The following UBE2E2 variants were observed in gnomAD, a reference collection of about 807,000 sequenced individuals.
The protein encoded by UBE2E2 is ubiquitin conjugating enzyme E2 E2.
UBE2E2 carries 6 observed loss-of-function variants against 24.7 expected under a neutral mutation model. The observed-to-expected ratio is 0.24, with a 90% CI of 0.13 to 0.48. The LOEUF (loss-of-function observed/expected upper bound fraction) is 0.48, where lower values mean the gene tolerates loss of function less well. UBE2E2 is among the 20% of genes least tolerant of loss of function. The probability of loss-of-function intolerance (pLI) is 0.99; values close to 1 mark genes in which losing one functional copy is unlikely to be tolerated. For synonymous variants in UBE2E2, 104 were observed against 83.6 expected (o/e 1.24, Z -1.33); for missense variants, 169 against 245.0 (o/e 0.69, Z 2.07).
chr3:23,338,444 G>A (rs9820922), intron 3 of UBE2E2, among the ~76,000 whole-genome samples: 83,953 of 151,910 alleles, frequency 0.55, 23,414 homozygotes, highest in Admixed American at 0.66. Context: ...ATGTGTATGT[G>A]TACATGTATG....
chr3:23,315,573 C>T (rs1330442049), intron 3 of UBE2E2, among the ~76,000 whole-genome samples: 1 of 152,030 alleles, frequency 6.6e-6, no homozygotes, highest in Non-Finnish European at 1.5e-5. Flanking sequence ...TTGTATGAAT[C>T]GTTGCATAAC....
intron 3 of UBE2E2, among the ~76,000 whole-genome samples, chr3:23,255,244 C>T (rs1337945180): frequency 6.6e-6 from 1 of 151,214 alleles, no homozygotes; most frequent in African/African-American, 2.4e-5. Context: ...CCACTGTGCC[C>T]CGCTAATTTT....
At chr3:23,224,572 G>C (rs1390394939) in intron 3 of UBE2E2, among the ~76,000 whole-genome samples, 1 of 151,090 alleles carries the variant, frequency 6.6e-6, no homozygotes, top group African/African-American at 2.4e-5. Context: ...AGAGTCTTTA[G>C]GTTTTAACAT....
chr3:23,205,273 A>C (rs770668878), intron 1 of UBE2E2, among the ~76,000 whole-genome samples: 1 of 152,202 alleles, frequency 6.6e-6, no homozygotes, highest in African/African-American at 2.4e-5. Flanking sequence ...GTTTGTTTAT[A>C]ACCCTGGGAT....
At chr3:23,292,754 T>C (rs1319537413) in intron 3 of UBE2E2, among the ~76,000 whole-genome samples, 1 of 152,224 alleles carries the variant, frequency 6.6e-6, no homozygotes, top group Non-Finnish European at 1.5e-5. Flanking sequence ...GTAACCTGTT[T>C]GTGCCTCTTT....
intron 3 of UBE2E2, among the ~76,000 whole-genome samples, chr3:23,238,646 T>C (rs1009668924): frequency 2.6e-5 from 4 of 152,190 alleles, no homozygotes; most frequent in African/African-American, 9.7e-5. Context: ...TTTCAGAATT[T>C]GAATTTTGGA....
chr3:23,483,032 T>A (rs1210280266), intron 3 of UBE2E2, among the ~76,000 whole-genome samples: 2 of 152,256 alleles, frequency 1.3e-5, no homozygotes, highest in African/African-American at 4.8e-5. Context: ...TTATTGGCAC[T>A]TGTTTGTAAT....
chr3:23,441,660 G>A (rs917454705), intron 3 of UBE2E2, among the ~76,000 whole-genome samples: 7 of 152,236 alleles, frequency 4.6e-5, no homozygotes, highest in African/African-American at 1.7e-4. Flanking sequence ...ATGTGGTTGG[G>A]GCAGGCCTCT....
chr3:23,584,499 G>A (rs1696563800), intron 5 of UBE2E2, among the ~76,000 whole-genome samples: 1 of 151,758 alleles, frequency 6.6e-6, no homozygotes, highest in Non-Finnish European at 1.5e-5. Context: ...AGAATCAAAG[G>A]TGCACATACC....
At chr3:23,269,875 A>G (rs988382948) in intron 3 of UBE2E2, among the ~76,000 whole-genome samples, 6 of 152,196 alleles carry the variant, frequency 3.9e-5, no homozygotes, top group African/African-American at 7.2e-5. Flanking sequence ...TATTCTGTTT[A>G]TAAGGGAATA....
rs190393294 is a variant in UBE2E2, at chr3:23,291,518, T to C, written c.227+74206T>C. Among the ~76,000 whole-genome samples, 7 of 152,290 alleles carry C rather than the reference T, an allele frequency of 4.6e-5. No individual in the cohort carries two copies. The East Asian group carries it at 1.4e-3, about 29-fold the overall frequency. On this transcript the variant is annotated intron_variant, in intron 3 of 5. Transcript: ENST00000396703. ...TAGGTTTAATAAAATGCAGAGACCGTATACAAGCAACATACTGCTGACTAT... is the reference window on the plus strand; with the variant it reads ...TAGGTTTAATAAAATGCAGAGACCGCATACAAGCAACATACTGCTGACTAT...
intron 3 of UBE2E2, among the ~76,000 whole-genome samples, chr3:23,389,076 C>A (rs1220438799): frequency 6.6e-6 from 1 of 150,808 alleles, no homozygotes; most frequent in African/African-American, 2.4e-5. Flanking sequence ...AAGAGGTAAA[C>A]AATGACTTGC....
chr3:23,412,188 TG>T (rs1697510247), intron 3 of UBE2E2, among the ~76,000 whole-genome samples: 1 of 152,220 alleles, frequency 6.6e-6, no homozygotes, highest in Non-Finnish European at 1.5e-5. Flanking sequence ...AATTAATGTA[TG>T]TAAATGTAGA....
At chr3:23,307,538 C>T (rs889574072) in intron 3 of UBE2E2, among the ~76,000 whole-genome samples, 1 of 152,012 alleles carries the variant, frequency 6.6e-6, no homozygotes, top group African/African-American at 2.4e-5. Context: ...GTATTTTGTT[C>T]TCATCTTTAC....
intron 5 of UBE2E2, among the ~76,000 whole-genome samples, chr3:23,550,291 A>G (rs1365158819): frequency 6.6e-6 from 1 of 152,112 alleles, no homozygotes; most frequent in African/African-American, 2.4e-5. Context: ...TATTCCCAGC[A>G]CCTATAATGT....
Position 23,395,475 on chromosome 3 carries a change from T to A in UBE2E2, c.228-104133T>A, listed in dbSNP as rs549067734. Reference sequence around the variant, plus strand: ...ATTAATATAAGCTGTCTATAAGTTATCCAACCTATCCGAGAAGCATTCAAC... The same window carrying A: ...ATTAATATAAGCTGTCTATAAGTTAACCAACCTATCCGAGAAGCATTCAAC... On this transcript the variant is annotated intron_variant, in intron 3 of 5. Transcript: ENST00000396703. Among the ~76,000 whole-genome samples, 146 of 152,332 alleles carry A rather than the reference T, an allele frequency of 9.6e-4. 3 individuals carry two copies. In the South Asian group the frequency reaches 0.021, roughly 22 times the overall value.
At position 23,589,494 on chromosome 3, in the gene UBE2E2, T is replaced by C. The variant is rs80155890; in HGVS notation, c.509-240T>C. 0.02 allele frequency among the ~76,000 whole-genome samples: 2,995 copies of C among 151,544 alleles called. 110 individuals are homozygous for C. The highest frequency in any genetic ancestry group is 0.068 in the African/African-American group (2,790 of 41,300). On this transcript the variant is annotated intron_variant, in intron 5 of 5. Coordinates refer to ENST00000396703, the MANE Select transcript of UBE2E2 (RefSeq NM_152653.4). The surrounding 1 kb of genome is among the most constrained non-coding windows in gnomAD (Gnocchi z 4.1). Reference sequence around the variant, plus strand: ...ATGTGGTGGGTACAGGGAAAGAGAATAAGACTTGTCAAGAAATATGACAAG... The same window carrying C: ...ATGTGGTGGGTACAGGGAAAGAGAACAAGACTTGTCAAGAAATATGACAAG...
chr3:23,336,785 TTGGCCATAAGCTC>T (rs1695224276), intron 3 of UBE2E2, among the ~76,000 whole-genome samples: 1 of 152,192 alleles, frequency 6.6e-6, no homozygotes, highest in South Asian at 2.1e-4. Context: ...TACTGTTAAT[TTGGCCATAAGCTC>T]ATTATGTTAA....
intron 3 of UBE2E2, among the ~76,000 whole-genome samples, chr3:23,400,068 G>A (rs776937149): frequency 1.3e-5 from 2 of 152,084 alleles, no homozygotes; most frequent in African/African-American, 4.8e-5. Context: ...ATAAAATGCT[G>A]AAAGAAATAT....
Sources: allele counts gnomAD v4.1 joint callset (sites outside exome capture counted in the v4.1 genomes callset), GRCh38; gene constraint gnomAD v4.1.1; non-coding constraint Gnocchi (gnomAD v3.1); transcripts MANE v1.5; gene names NCBI Gene and HGNC (gene_info 2026-07-23, HGNC 2026-07-21).